CCDC150: variants seen among roughly 807,000 people sequenced by gnomAD.
CCDC150 encodes coiled-coil domain containing 150, also known as coiled-coil domain-containing protein 150.
CCDC150 carries 151 observed loss-of-function variants against 156.5 expected under a neutral mutation model. The observed-to-expected ratio is 0.97, with a 90% CI of 0.85 to 1.10. The LOEUF is 1.10. CCDC150 is among the 50% of genes least tolerant of loss of function. The pLI is 0.00. For synonymous variants in CCDC150, 452 were observed against 429.4 expected (o/e 1.05, Z -0.65); for missense variants, 1,312 against 1,268.1 (o/e 1.03, Z -0.53).
rs748416105 is a variant in CCDC150 at position 196,721,601 on chromosome 2, A to G, written c.2339A>G (p.Gln780Arg). 8.8e-5 allele frequency: 142 copies of G among 1,608,214 alleles called. No individual in the cohort carries two copies. Among genetic ancestry groups the G allele is most frequent in the Non-Finnish European group, 1.2e-4 (141 of 1,177,430 alleles). The change falls in exon 21 of 28, where the codon CAG (glutamine) becomes CGG (arginine). Residue 780 changes from glutamine (Q) to arginine (R), a missense_variant. By Grantham distance (43) the Gln-to-Arg change is conservative (BLOSUM62 1). Transcript: ENST00000389175. ...GCTATGAGTCTGGAACAAGCTCTCC[A>G]GACAAATAATCATCTGCAAACAAAG... ...KLAMSLEQAL[Q>R]TNNHLQTKLD...
Position 196,713,544 on chromosome 2 carries a change from T to C in CCDC150, c.1866+805T>C, listed in dbSNP as rs539872296. ...CCTTCTATGAAAACATCTCAGGATA[T>C]TGGAGACTCTAGGATCTCTCTAAAG... On this transcript the variant is annotated intron_variant, in intron 17 of 27. Transcript: ENST00000389175. The C allele has an allele frequency of 6.3e-5, 97 of 1,550,464 alleles. 1 individual carries two copies. In the South Asian group the frequency reaches 7.9e-4, roughly 13 times the overall value.
intron 13 of CCDC150, among the ~76,000 whole-genome samples, chr2:196,689,281 G>A (rs1427654464): frequency 6.6e-6 from 1 of 152,114 alleles, no homozygotes; most frequent in Non-Finnish European, 1.5e-5. Context: ...ATTCTGTGAG[G>A]AAAGTCATTG....
At chr2:196,724,686 G>A (rs1446831625) in intron 21 of CCDC150, among the ~76,000 whole-genome samples, 1 of 152,080 alleles carries the variant, frequency 6.6e-6, no homozygotes, top group Non-Finnish European at 1.5e-5. Flanking sequence ...AAAACTTATA[G>A]TCTTAATCAT....
At chr2:196,687,044 G>C (rs1695166019) in intron 13 of CCDC150, among the ~76,000 whole-genome samples, 1 of 152,116 alleles carries the variant, frequency 6.6e-6, no homozygotes, top group Non-Finnish European at 1.5e-5. Flanking sequence ...TGTATTTGCT[G>C]TTGTGAATAG....
intron 15 of CCDC150, among the ~76,000 whole-genome samples, chr2:196,710,478 C>T (rs1350226327): frequency 6.6e-6 from 1 of 152,192 alleles, no homozygotes; most frequent in Non-Finnish European, 1.5e-5. Flanking sequence ...GATGCCCTGC[C>T]CTGCTTTGGC....
chr2:196,716,846 C>CTTTTTTT (rs775962426), intron 17 of CCDC150, among the ~76,000 whole-genome samples: 1 of 74,370 alleles, frequency 1.3e-5, no homozygotes, highest in Non-Finnish European at 2.7e-5. Flanking sequence ...AAATAACATT[C>CTTTTTTT]TTTTTTTTTT....
At chr2:196,706,230 C>A (rs960142900) in intron 15 of CCDC150, among the ~76,000 whole-genome samples, 1 of 152,146 alleles carries the variant, frequency 6.6e-6, no homozygotes, top group Admixed American at 6.5e-5. Context: ...TGAAGAGGTC[C>A]TCCACATCCC....
At chr2:196,713,209 C>G (rs1444105988) in intron 17 of CCDC150, 1 of 1,186,734 alleles carries the variant, frequency 8.4e-7, no homozygotes, top group African/African-American at 1.5e-5. Flanking sequence ...GTGATCTCTT[C>G]ACTCTGAAAG....
At chr2:196,681,840 T>G (rs1415614708) in intron 13 of CCDC150, among the ~76,000 whole-genome samples, 4 of 152,124 alleles carry the variant, frequency 2.6e-5, no homozygotes, top group African/African-American at 9.7e-5. Context: ...TTGTATGAGT[T>G]TTTTACATAT....
intron 22 of CCDC150, 196 bp downstream of exon 22, chr2:196,726,295 G>A (rs1698205317): frequency 4.0e-6 from 2 of 505,580 alleles, no homozygotes; most frequent in Non-Finnish European, 3.5e-6. Context: ...CCCGACAAAG[G>A]TGTGCCTTGA....
chr2:196,639,800 C>T, intron 1 of CCDC150, 22 bp downstream of exon 1: 1 of 1,574,930 alleles, frequency 6.3e-7, no homozygotes, highest in South Asian at 1.2e-5. Context: ...GGGCCCCGGG[C>T]TGGTGAGGGG....
intron 1 of CCDC150, among the ~76,000 whole-genome samples, chr2:196,645,366 A>C (rs946252208): frequency 2.0e-5 from 3 of 152,192 alleles, no homozygotes; most frequent in Non-Finnish European, 2.9e-5. Context: ...CCAGGAAGGT[A>C]AGGGTCAGGG....
intron 8 of CCDC150, among the ~76,000 whole-genome samples, chr2:196,671,927 T>A (rs374398509): frequency 6.6e-6 from 1 of 152,326 alleles, no homozygotes; most frequent in East Asian, 1.9e-4. Flanking sequence ...GGAGCATGAT[T>A]ACTGGATCAT....
chr2:196,695,133 C>T lies in CCDC150; in HGVS notation c.1597C>T (p.Gln533Ter). 1 of 1,607,648 alleles carries T rather than the reference C, an allele frequency of 6.2e-7. No homozygotes were observed. Among genetic ancestry groups the T allele is most frequent in the South Asian group, 1.1e-5 (1 of 90,828 alleles). The change falls in exon 14 of 28, where the codon CAG becomes TAG. Residue 533 changes from glutamine to a stop codon, truncating the protein, a stop_gained. Transcript: ENST00000389175. LOFTEE classifies it high-confidence loss of function. Reference protein sequence around the residue: ...LADQMASLELQQVTSDYHGLA... With the variant: ...LADQMASLEL Reference sequence around the variant, plus strand: ...AGATCAAATGGCTTCCCTAGAACTTCAGCAAGTCACTTCTGATTACCATGG... The same window carrying T: ...AGATCAAATGGCTTCCCTAGAACTTTAGCAAGTCACTTCTGATTACCATGG...
At chr2:196,673,122 A>G (rs1268444242) in intron 9 of CCDC150, among the ~76,000 whole-genome samples, 1 of 152,186 alleles carries the variant, frequency 6.6e-6, no homozygotes, top group East Asian at 1.9e-4. Flanking sequence ...AACATCAACT[A>G]CTATTACTCT....
intron 15 of CCDC150, among the ~76,000 whole-genome samples, chr2:196,709,648 T>A (rs1696946527): frequency 6.6e-6 from 1 of 152,264 alleles, no homozygotes; most frequent in South Asian, 2.1e-4. Context: ...TGCTTTTATC[T>A]ACCTTTGGTC....
At chr2:196,672,738 C>T (rs897277861) in intron 9 of CCDC150, among the ~76,000 whole-genome samples, 1 of 152,142 alleles carries the variant, frequency 6.6e-6, no homozygotes, top group Non-Finnish European at 1.5e-5. Context: ...TTTCCCCCTC[C>T]AAAGTGAACT....
At chr2:196,663,027 C>G (rs1248160810) in intron 5 of CCDC150, among the ~76,000 whole-genome samples, 2 of 152,012 alleles carry the variant, frequency 1.3e-5, no homozygotes, top group African/African-American at 4.8e-5. Context: ...TGCCTGAGCC[C>G]AGGAGTTTGA....
At position 196,658,772 on chromosome 2, in the gene CCDC150, T is replaced by A. The variant is rs1215986264; in HGVS notation, c.577-20T>A. 1 of 1,563,734 alleles carries A rather than the reference T, an allele frequency of 6.4e-7. No homozygotes were observed. The highest frequency in any genetic ancestry group is 8.7e-7 in the Non-Finnish European group (1 of 1,143,452). Reference sequence around the variant, plus strand: ...CTGTCATTTCAGATTATTTAGAATCTTTTCTCCTTCTACTTTTAGAAGAAT... The same window carrying A: ...CTGTCATTTCAGATTATTTAGAATCATTTCTCCTTCTACTTTTAGAAGAAT... On this transcript the variant is annotated intron_variant, in intron 4 of 27. Transcript: ENST00000389175.
Sources: gnomAD v4.1 joint callset for allele counts (sites outside exome capture counted in the v4.1 genomes callset) on GRCh38, gnomAD v4.1.1 for gene constraint, MANE v1.5 for transcripts, NCBI Gene and HGNC (gene_info 2026-07-23, HGNC 2026-07-21) for gene names.